MYT1L: variants seen among roughly 807,000 people sequenced by gnomAD.
MYT1L encodes myelin transcription factor 1 like, also known as myelin transcription factor 1-like protein.
In MYT1L, 12 loss-of-function variants were observed where a neutral mutation model predicts 126.7. That is an observed-to-expected ratio of 0.09 (90% CI 0.06 to 0.15). MYT1L has a LOEUF of 0.15. MYT1L is among the 10% of genes least tolerant of loss of function. The probability of loss-of-function intolerance (pLI) is 1.00; values close to 1 mark genes in which losing one functional copy is unlikely to be tolerated. For missense variants in MYT1L, 979 were observed against 1,585.2 expected, an observed-to-expected ratio of 0.62 and a Z score of 6.49; for synonymous variants, 541 against 604.2, an observed-to-expected ratio of 0.90 and a Z score of 1.53.
intron 3 of MYT1L, among the ~76,000 whole-genome samples, chr2:2,145,683 A>G (rs2084774307): frequency 6.6e-6 from 1 of 152,070 alleles, no homozygotes; most frequent in Admixed American, 6.6e-5. Flanking sequence ...ACATATACAC[A>G]CACACACTGC....
At chr2:1,920,652 T>C (rs1432357734) in intron 10 of MYT1L, among the ~76,000 whole-genome samples, 1 of 152,222 alleles carries the variant, frequency 6.6e-6, no homozygotes, top group Non-Finnish European at 1.5e-5. Context: ...GAAGACACTA[T>C]TTCTTCCCCA....
At chr2:1,832,167 C>A (rs1269803058) in intron 21 of MYT1L, among the ~76,000 whole-genome samples, 2 of 152,014 alleles carry the variant, frequency 1.3e-5, no homozygotes, top group African/African-American at 4.8e-5. Context: ...AGGGTGGGGT[C>A]CTGATCTGAT....
intron 1 of MYT1L, among the ~76,000 whole-genome samples, 179 bp from the exon 2 acceptor site, chr2:2,284,682 C>T (rs2095492194): frequency 6.6e-6 from 1 of 152,174 alleles, no homozygotes; most frequent in Admixed American, 6.5e-5. Flanking sequence ...GAGTTAGACA[C>T]TCCTACTGTG....
chr2:2,057,208 G>C (rs926084523), intron 3 of MYT1L, among the ~76,000 whole-genome samples: 2 of 152,178 alleles, frequency 1.3e-5, no homozygotes, highest in African/African-American at 4.8e-5. Flanking sequence ...GAAGGAGCAA[G>C]AGTTCCTCTG....
intron 3 of MYT1L, among the ~76,000 whole-genome samples, chr2:2,078,985 A>G (rs1293889892): frequency 6.6e-6 from 1 of 152,252 alleles, no homozygotes. Context: ...GAGTAGCCTC[A>G]GAAAGCTTCC....
chr2:2,133,225 G>T (rs1191794588), intron 3 of MYT1L, among the ~76,000 whole-genome samples: 2 of 152,154 alleles, frequency 1.3e-5, no homozygotes, highest in Non-Finnish European at 2.9e-5. Flanking sequence ...GTAAAGCGAT[G>T]ATCTATACAG....
intron 4 of MYT1L, among the ~76,000 whole-genome samples, chr2:2,014,790 G>A (rs973325670): frequency 7.2e-5 from 11 of 152,266 alleles, no homozygotes; most frequent in African/African-American, 2.7e-4. Context: ...GAGCTGAAGT[G>A]GAGCAGGCAG....
chr2:1,984,180 T>C (rs2060827389), intron 5 of MYT1L, among the ~76,000 whole-genome samples: 1 of 152,152 alleles, frequency 6.6e-6, no homozygotes, highest in Admixed American at 6.5e-5. Flanking sequence ...AAGGGATGCT[T>C]TCCTCAAGTT....
At chr2:1,996,380 G>A (rs982026105) in intron 5 of MYT1L, among the ~76,000 whole-genome samples, 10 of 151,560 alleles carry the variant, frequency 6.6e-5, no homozygotes, top group African/African-American at 2.4e-4. Flanking sequence ...TTTACCTAGT[G>A]AGTGAGGGCC....
intron 2 of MYT1L, among the ~76,000 whole-genome samples, chr2:2,207,873 C>G (rs1390560915): frequency 6.6e-6 from 1 of 152,298 alleles, no homozygotes; most frequent in East Asian, 1.9e-4. Context: ...AGCACCTACA[C>G]CAGGAACCTG....
At chr2:2,241,973 C>T (rs914986254) in intron 2 of MYT1L, among the ~76,000 whole-genome samples, 1 of 151,974 alleles carries the variant, frequency 6.6e-6, no homozygotes, top group South Asian at 2.1e-4. Flanking sequence ...AGTACTATAT[C>T]CCACCTTGCA....
At chr2:1,840,415 T>C (rs542954372) in intron 20 of MYT1L, among the ~76,000 whole-genome samples, 50 of 152,276 alleles carry the variant, frequency 3.3e-4, no homozygotes, top group Middle Eastern at 3.4e-3. Context: ...TGATGTTGTA[T>C]TTAGTACCTT....
intron 3 of MYT1L, among the ~76,000 whole-genome samples, chr2:2,090,659 C>A (rs774576657): frequency 2.0e-5 from 3 of 152,204 alleles, no homozygotes; most frequent in Non-Finnish European, 4.4e-5. Context: ...ACTATTTCCA[C>A]ATCTTCCTTT....
At chr2:2,189,880 TCGTTCTCAGGACCGCACGGGGAGAAGGAG>T (rs1180876806) in intron 2 of MYT1L, among the ~76,000 whole-genome samples, 2 of 141,718 alleles carry the variant, frequency 1.4e-5, no homozygotes, top group African/African-American at 2.7e-5. Context: ...GGGGAGAAGC[TCGTTCTCAGGACCGCACGGGGAGAAGGAG>T]CGTTCTCAGG....
chr2:2,132,534 T>G (rs542964751), intron 3 of MYT1L, among the ~76,000 whole-genome samples: 171 of 114,270 alleles, frequency 1.5e-3, no homozygotes, highest in African/African-American at 5.6e-3. Context: ...TGAGAACACA[T>G]GGACACAGAG....
chr2:1,793,631 G>T lies in MYT1L; in HGVS notation c.3277-1167C>A, dbSNP rs553765579. Among the ~76,000 whole-genome samples, 1 of 152,188 alleles carries T rather than the reference G, an allele frequency of 6.6e-6. No individual in the cohort carries two copies. The highest frequency in any genetic ancestry group is 1.9e-4 in the East Asian group (1 of 5,172). The stretch of plus-strand genomic sequence containing the variant: ...CCAGACCCTCTGTTAGAAAACTGAA[G>T]CACCTCAGAGGCGCCCTCCAGGATG... On this transcript the variant is annotated intron_variant, in intron 23 of 24. Transcript: ENST00000647738. The surrounding 1 kb of genome is among the most constrained non-coding windows in gnomAD (Gnocchi z 4.6).
intron 4 of MYT1L, among the ~76,000 whole-genome samples, chr2:2,004,427 C>T (rs1412712163): frequency 1.3e-5 from 2 of 150,004 alleles, no homozygotes; most frequent in African/African-American, 4.9e-5. Flanking sequence ...GCGTTCTTTC[C>T]TGCATGCGTT....
chr2:2,110,712 G>A (rs1359452255), intron 3 of MYT1L, among the ~76,000 whole-genome samples: 2 of 152,008 alleles, frequency 1.3e-5, no homozygotes, highest in East Asian at 1.9e-4. Context: ...AGTCTTTCAT[G>A]GTCAAACTCT....
intron 21 of MYT1L, among the ~76,000 whole-genome samples, chr2:1,832,145 A>G (rs1019738281): frequency 6.6e-6 from 1 of 151,974 alleles, no homozygotes; most frequent in African/African-American, 2.4e-5. Flanking sequence ...AATTCATGTA[A>G]ATGGGCTTGT....
Sources: allele counts gnomAD v4.1 joint callset (sites outside exome capture counted in the v4.1 genomes callset), GRCh38; gene constraint gnomAD v4.1.1; non-coding constraint Gnocchi (gnomAD v3.1); transcripts MANE v1.5; gene names NCBI Gene and HGNC (gene_info 2026-07-23, HGNC 2026-07-21).